Variants in LOXHD1 observed in about 807,000 individuals in gnomAD.
LOXHD1 encodes lipoxygenase homology domain-containing protein 1.
LOXHD1 carries 205 observed loss-of-function variants against 248.2 expected under a neutral mutation model. The ratio of observed to expected loss-of-function variants is 0.83; its 90% confidence interval spans 0.74 to 0.93. The LOEUF (loss-of-function observed/expected upper bound fraction) is 0.93, where lower values mean the gene tolerates loss of function less well. LOXHD1 is among the 40% of genes least tolerant of loss of function. The probability of loss-of-function intolerance (pLI) is 0.00; values close to 1 mark genes in which losing one functional copy is unlikely to be tolerated. For missense variants in LOXHD1, 2,930 were observed against 2,971.6 expected, an observed-to-expected ratio of 0.99 and a Z score of 0.33; for synonymous variants, 1,113 against 1,162.8, an observed-to-expected ratio of 0.96 and a Z score of 0.87.
chr18:46,514,621 T>C (rs186429359), intron 34 of LOXHD1, among the ~76,000 whole-genome samples: 1 of 152,308 alleles, frequency 6.6e-6, no homozygotes, highest in East Asian at 1.9e-4. Context: ...TGGAATCCCA[T>C]TTGAGTGTCT....
intron 4 of LOXHD1, among the ~76,000 whole-genome samples, chr18:46,638,030 A>G (rs1338006221): frequency 6.6e-6 from 1 of 152,228 alleles, no homozygotes; most frequent in Non-Finnish European, 1.5e-5. Context: ...TAAGGGATCC[A>G]GTGAATAAAT....
At chr18:46,564,635 G>T (rs1264817343) in intron 17 of LOXHD1, among the ~76,000 whole-genome samples, 2 of 152,018 alleles carry the variant, frequency 1.3e-5, no homozygotes, top group Non-Finnish European at 2.9e-5. Flanking sequence ...AAGAAGGGGG[G>T]TTGGGGTAAG....
At position 46,564,708 on chromosome 18, in the gene LOXHD1, T is replaced by A. The variant is rs181672993; in HGVS notation, c.2438-1483A>T. On this transcript the variant is annotated intron_variant, in intron 17 of 40. Coordinates refer to ENST00000642948, the MANE Select transcript of LOXHD1 (RefSeq NM_001384474.1). ...TTTATCTTTATCTTCTTGATTAGTA[T>A]CTATACTACTCTGATGGAATTCCAG... Among the ~76,000 whole-genome samples, 7 of 152,280 alleles carry A rather than the reference T, an allele frequency of 4.6e-5. No individual in the cohort carries two copies. In the East Asian group the frequency reaches 1.4e-3, roughly 29 times the overall value.
In LOXHD1 at chr18:46,560,555, G is replaced by A. The variant is rs751081260; in HGVS notation, c.2599-10C>T. The A allele has an allele frequency of 8.0e-5, 122 of 1,517,598 alleles. No homozygotes were observed. The highest frequency in any genetic ancestry group is 1.0e-4 in the Non-Finnish European group (113 of 1,135,136). 94.0% of individuals were successfully genotyped at this position (1,517,598 alleles called of 1,614,324 possible). A position where few individuals can be genotyped will look rare whatever the true frequency, so the allele number is the denominator to read the frequency against. On this transcript the variant is annotated splice_polypyrimidine_tract_variant and intron_variant, in intron 18 of 40. Coordinates refer to ENST00000642948, the MANE Select transcript of LOXHD1 (RefSeq NM_001384474.1). ...CGTCGGCCGCCTCAAGCTGTTCAAA[G>A]GGCAGGGCAGCGGCTGTCGTGGCCC... is the stretch of plus-strand genomic sequence containing the variant.
At chr18:46,563,934 C>T (rs1424360734) in intron 17 of LOXHD1, among the ~76,000 whole-genome samples, 6 of 151,850 alleles carry the variant, frequency 4.0e-5, no homozygotes, top group South Asian at 4.2e-4. Context: ...AGCGATCCAT[C>T]GAAAAAGGAG....
Position 46,559,562 on chromosome 18 carries a change from G to T in LOXHD1, c.3102C>A (p.Pro1034=). 2 of 1,551,864 alleles carry T rather than the reference G, an allele frequency of 1.3e-6. No homozygotes were observed. Among genetic ancestry groups the T allele is most frequent in the Non-Finnish European group, 1.7e-6 (2 of 1,147,018 alleles). Residue 1034 remains proline, a synonymous_variant, in exon 20 of 41, where the codon CCC becomes CCA. Transcript: ENST00000642948. ...YEVQVVTGNV[P]KAGTDANVYL... ...AGACGTTAGCATCAGTGCCGGCCTT[G>T]GGCACATTCCCCGTGACCACCTGAA...
At chr18:46,507,890 CCT>C (rs1463594491) in intron 35 of LOXHD1, among the ~76,000 whole-genome samples, 178 bp from the exon 36 acceptor site, 1 of 152,166 alleles carries the variant, frequency 6.6e-6, no homozygotes, top group Non-Finnish European at 1.5e-5. Flanking sequence ...AAGGCCCTGT[CCT>C]GTGTGCCTGG....
intron 4 of LOXHD1, among the ~76,000 whole-genome samples, chr18:46,620,975 C>G (rs760007705): frequency 1.3e-5 from 2 of 152,150 alleles, no homozygotes; most frequent in Admixed American, 6.5e-5. Context: ...TTTGGGGAGA[C>G]AGGCCAACTG....
intron 24 of LOXHD1, among the ~76,000 whole-genome samples, chr18:46,542,283 A>T (rs2036595114): frequency 6.6e-6 from 1 of 152,194 alleles, no homozygotes; most frequent in Admixed American, 6.5e-5. Flanking sequence ...GAACTCAGGG[A>T]TGCCAGGAAG....
At chr18:46,524,630 C>A in intron 30 of LOXHD1, 29 bp from the exon 31 acceptor site, 1 of 1,551,490 alleles carries the variant, frequency 6.4e-7, no homozygotes, top group Non-Finnish European at 8.7e-7. Flanking sequence ...CTGGCAGTTG[C>A]AGCTCCAGCA....
At chr18:46,620,180 A>G (rs1333809825) in intron 4 of LOXHD1, among the ~76,000 whole-genome samples, 1 of 152,154 alleles carries the variant, frequency 6.6e-6, no homozygotes, top group Non-Finnish European at 1.5e-5. Context: ...TCCATATTCC[A>G]GAGGCCGCCC....
rs758375778 is a variant in LOXHD1, at chr18:46,566,272, C to T, written c.2422G>A (p.Val808Met). 14 of 1,549,692 alleles carry T rather than the reference C, an allele frequency of 9.0e-6. No homozygotes were observed. The East Asian group carries it at 2.2e-4, about 24-fold the overall frequency. Residue 808 changes from valine to methionine, a missense_variant, in exon 17 of 41, where the codon GTG becomes ATG. Transcript: ENST00000642948. Reference sequence around the variant, plus strand: ...TCCTCCATACATTTCTGGATCTCCACCACCTCGCTGGGATACAGCTCCACC... The same window carrying T: ...TCCTCCATACATTTCTGGATCTCCATCACCTCGCTGGGATACAGCTCCACC... ...LEVELYPSEV[V>M]EIQKLVHYEV...
intron 40 of LOXHD1, among the ~76,000 whole-genome samples, chr18:46,479,729 A>C (rs1284827842): frequency 6.6e-6 from 1 of 151,842 alleles, no homozygotes; most frequent in African/African-American, 2.4e-5. Flanking sequence ...AATGGTGCAA[A>C]ATCAAACCCT....
At position 46,630,770 on chromosome 18, in the gene LOXHD1, T is replaced by TG. The variant is rs34276377; in HGVS notation, c.511+8845dup. Among the ~76,000 whole-genome samples the TG allele has an allele frequency of 2.1e-3, 322 of 150,198 alleles. 3 individuals are homozygous for TG. Among genetic ancestry groups the TG allele is most frequent in the African/African-American group, 6.9e-3 (278 of 40,534 alleles). On this transcript the variant is annotated intron_variant, in intron 4 of 40. Coordinates refer to ENST00000642948, the MANE Select transcript of LOXHD1 (RefSeq NM_001384474.1). ...AAAAGGGACAACATCAAAGTGGGTATGGGGGGGGGTGTGAAATCAGTGGGT... is the reference window on the plus strand; with the variant it reads ...AAAAGGGACAACATCAAAGTGGGTATGGGGGGGGGGTGTGAAATCAGTGGGT...
intron 14 of LOXHD1, among the ~76,000 whole-genome samples, chr18:46,572,697 G>T (rs1361679462): frequency 6.6e-6 from 1 of 152,120 alleles, no homozygotes; most frequent in Non-Finnish European, 1.5e-5. Flanking sequence ...TGTGCTGAGG[G>T]CTCTGGGGTG....
At chr18:46,560,755 T>A (rs2037510272) in intron 18 of LOXHD1, among the ~76,000 whole-genome samples, 1 of 152,168 alleles carries the variant, frequency 6.6e-6, no homozygotes, top group Non-Finnish European at 1.5e-5. Flanking sequence ...GGCCCCATCC[T>A]CCAACAAAGT....
chr18:46,621,632 T>C (rs2038669628), intron 4 of LOXHD1, among the ~76,000 whole-genome samples: 1 of 152,082 alleles, frequency 6.6e-6, no homozygotes, highest in African/African-American at 2.4e-5. Context: ...CTTGTTGAAC[T>C]CATCACTTGG....
In LOXHD1 at chr18:46,542,843, A is replaced by C. The variant is rs2036622201; in HGVS notation, c.3632T>G (p.Leu1211Arg). ...GTQDDTGMTLLKSSKTNSDKF... is the reference protein window; with the variant it reads ...GTQDDTGMTLRKSSKTNSDKF... ...ATCGCTGTTTGTCTTGGAGGACTTC[A>C]GGAGGGTCATTCCTGTGGATCAGAT... Residue 1211 changes from leucine to arginine, a missense_variant, in exon 24 of 41, where the codon CTG (leucine) becomes CGG (arginine). Leu to Arg is a moderately radical substitution (Grantham distance 102, BLOSUM62 -2). Coordinates refer to ENST00000642948, the MANE Select transcript of LOXHD1 (RefSeq NM_001384474.1). 6.4e-7 allele frequency: 1 copy of C among 1,551,586 alleles called. No homozygotes were observed. Among genetic ancestry groups the C allele is most frequent in the Non-Finnish European group, 8.7e-7 (1 of 1,147,000 alleles).
Position 46,477,658 on chromosome 18 carries a change from C to T in LOXHD1, c.6636G>A (p.Glu2212=), listed in dbSNP as rs1362853159. 1.9e-6 allele frequency: 3 copies of T among 1,551,832 alleles called. No individual in the cohort carries two copies. ...STDRFFLETL[E]LGELRKVRLE... is the part of the protein sequence containing the mutation. ...GGCGCACCTTGCGCAGCTCACCCAG[C>T]TCCAGCGTCTCCAGGAAGAAGCGGT... is the stretch of plus-strand genomic sequence containing the variant. Residue 2212 remains glutamate, a synonymous_variant, in exon 41 of 41, where the codon GAG becomes GAA. Transcript: ENST00000642948.
Sources: allele counts gnomAD v4.1 joint callset (sites outside exome capture counted in the v4.1 genomes callset), GRCh38; gene constraint gnomAD v4.1.1; transcripts MANE v1.5; gene names NCBI Gene and HGNC (gene_info 2026-07-23, HGNC 2026-07-21).